The following SLCO1B1 variants were observed in gnomAD, a reference collection of about 807,000 sequenced individuals.
SLCO1B1 encodes solute carrier organic anion transporter family member 1B1.
Under a neutral mutation model 70.1 loss-of-function variants are expected in SLCO1B1, and 81 were observed. The observed-to-expected ratio is 1.16, with a 90% CI of 0.97 to 1.39. The LOEUF is 1.39. Among genes scored for constraint, SLCO1B1 ranks in the 40% most tolerant of loss-of-function variants. The pLI is 0.00. For synonymous variants in SLCO1B1, 283 were observed against 271.5 expected (o/e 1.04, Z -0.42); for missense variants, 895 against 799.6 (o/e 1.12, Z -1.44).
chr12:21,195,289 A>T (rs951523122), intron 7 of SLCO1B1, among the ~76,000 whole-genome samples: 1 of 152,172 alleles, frequency 6.6e-6, no homozygotes. Flanking sequence ...GTAGGGTCTC[A>T]TGAGCACTTT....
At chr12:21,134,875 G>A (rs927428340) in intron 1 of SLCO1B1, among the ~76,000 whole-genome samples, 2 of 152,092 alleles carry the variant, frequency 1.3e-5, no homozygotes, top group Admixed American at 6.6e-5. Context: ...CCTTCTGCTA[G>A]CTTTTGAATG....
At chr12:21,197,309 A>G in intron 8 of SLCO1B1, 121 bp downstream of exon 8, 3 of 974,692 alleles carry the variant, frequency 3.1e-6, no homozygotes, top group Non-Finnish European at 4.5e-6. Flanking sequence ...TTTGCACTAA[A>G]TTTAGATAAA....
chr12:21,182,682 T>C (rs181065793), intron 7 of SLCO1B1, among the ~76,000 whole-genome samples: 3 of 152,242 alleles, frequency 2.0e-5, no homozygotes, highest in African/African-American at 7.2e-5. Flanking sequence ...GATCCCCCAG[T>C]GTAGCTACTG....
chr12:21,200,700 T>C (rs376154971), intron 9 of SLCO1B1, 28 bp downstream of exon 9: 49 of 1,590,872 alleles, frequency 3.1e-5, no homozygotes, highest in Non-Finnish European at 4.0e-5. Context: ...CTTGTGTGCT[T>C]AATAAGTGAA....
intron 7 of SLCO1B1, among the ~76,000 whole-genome samples, chr12:21,195,656 C>G (rs1211444882): frequency 6.6e-6 from 1 of 152,122 alleles, no homozygotes. Flanking sequence ...AAATATTTCC[C>G]TCCCCATAGA....
chr12:21,238,450 T>G (rs977437418), intron 14 of SLCO1B1, among the ~76,000 whole-genome samples: 3 of 152,168 alleles, frequency 2.0e-5, no homozygotes, highest in African/African-American at 7.2e-5. Flanking sequence ...GTTTAAAGCT[T>G]ACTTATTCCT....
intron 14 of SLCO1B1, among the ~76,000 whole-genome samples, chr12:21,232,627 G>C (rs976904526): frequency 1.3e-5 from 2 of 152,054 alleles, no homozygotes; most frequent in African/African-American, 4.8e-5. Context: ...AAGTACACCA[G>C]ATTTGCTAAA....
chr12:21,175,655 C>A (rs1262265586), intron 4 of SLCO1B1, among the ~76,000 whole-genome samples: 2 of 152,062 alleles, frequency 1.3e-5, no homozygotes, highest in Non-Finnish European at 2.9e-5. Context: ...GAAGTTTCTT[C>A]TTAGTGGTAC....
Position 21,174,596 on chromosome 12 carries a change from A to G in SLCO1B1, c.246A>G (p.Val82=). ...SFEIGNLLVI[V]FVSYFGSKLH... is the part of the protein sequence containing the mutation. Reference sequence around the variant, plus strand: ...TTCTAGGAAATTTGCTTGTGATTGTATTTGTGAGTTACTTTGGATCCAAAC... The same window carrying G: ...TTCTAGGAAATTTGCTTGTGATTGTGTTTGTGAGTTACTTTGGATCCAAAC... The change falls in exon 4 of 15, where the codon GTA becomes GTG. Residue 82 remains valine, a synonymous_variant. Transcript: ENST00000256958. 1.9e-6 allele frequency: 3 copies of G among 1,613,252 alleles called. No individual in the cohort carries two copies. Among genetic ancestry groups the G allele is most frequent in the Non-Finnish European group, 2.5e-6 (3 of 1,179,588 alleles).
chr12:21,212,072 G>T (rs1941294292), intron 11 of SLCO1B1, among the ~76,000 whole-genome samples: 1 of 146,074 alleles, frequency 6.8e-6, no homozygotes. Flanking sequence ...CTTCAGTTCT[G>T]CTCTGATTTT....
chr12:21,237,692 A>C (rs552236559), intron 14 of SLCO1B1, among the ~76,000 whole-genome samples: 1 of 151,532 alleles, frequency 6.6e-6, no homozygotes, highest in African/African-American at 2.4e-5. Context: ...ATAGTGTCTG[A>C]CATTAATTTA....
intron 4 of SLCO1B1, among the ~76,000 whole-genome samples, chr12:21,174,947 G>A (rs890113526): frequency 6.6e-6 from 1 of 152,008 alleles, no homozygotes; most frequent in African/African-American, 2.4e-5. Flanking sequence ...AAATAAATAG[G>A]CTTTTTATGA....
intron 7 of SLCO1B1, among the ~76,000 whole-genome samples, chr12:21,181,489 T>C (rs1351013355): frequency 6.6e-6 from 1 of 152,216 alleles, no homozygotes; most frequent in East Asian, 1.9e-4. Context: ...AACCCAGATC[T>C]GTGCATACTT....
intron 10 of SLCO1B1, among the ~76,000 whole-genome samples, chr12:21,203,748 A>C (rs1941183206): frequency 6.6e-6 from 1 of 152,072 alleles, no homozygotes; most frequent in Non-Finnish European, 1.5e-5. Flanking sequence ...TTTAGAGGTA[A>C]AAGAACCTTA....
chr12:21,198,627 G>T lies in SLCO1B1; in HGVS notation c.970+1439G>T, dbSNP rs1262890799. 3.3e-5 allele frequency among the ~76,000 whole-genome samples: 5 copies of T among 151,800 alleles called. No individual in the cohort carries two copies. In the East Asian group the frequency reaches 9.6e-4, roughly 29 times the overall value. The stretch of plus-strand genomic sequence containing the variant: ...CTTAAGTATGTATCTATTAGGAATG[G>T]ATAAAATAAGAATATATAGTCAGAA... On this transcript the variant is annotated intron_variant, in intron 8 of 14. Coordinates refer to ENST00000256958, the MANE Select transcript of SLCO1B1 (RefSeq NM_006446.5).
At chr12:21,144,128 AC>A (rs1316004767) in intron 2 of SLCO1B1, among the ~76,000 whole-genome samples, 1 of 152,124 alleles carries the variant, frequency 6.6e-6, no homozygotes, top group Non-Finnish European at 1.5e-5. Flanking sequence ...TCAAATTTAA[AC>A]CCAACAAGAT....
At chr12:21,190,536 A>G (rs1941017950) in intron 7 of SLCO1B1, among the ~76,000 whole-genome samples, 1 of 152,126 alleles carries the variant, frequency 6.6e-6, no homozygotes, top group South Asian at 2.1e-4. Flanking sequence ...ATTAATTTTT[A>G]TTTCAATAGC....
chr12:21,158,366 A>G (rs768709961), intron 2 of SLCO1B1, among the ~76,000 whole-genome samples: 16 of 152,328 alleles, frequency 1.1e-4, no homozygotes, highest in Middle Eastern at 6.8e-3. Context: ...TAGAATAAAA[A>G]CATAGTTTTT....
chr12:21,223,972 T>C (rs1591827409), intron 13 of SLCO1B1, among the ~76,000 whole-genome samples: 1 of 152,162 alleles, frequency 6.6e-6, no homozygotes, highest in Non-Finnish European at 1.5e-5. Flanking sequence ...CAAATAAAAA[T>C]TAACTAAGAA....
Sources: allele counts gnomAD v4.1 joint callset (sites outside exome capture counted in the v4.1 genomes callset), GRCh38; gene constraint gnomAD v4.1.1; transcripts MANE v1.5; gene names NCBI Gene and HGNC (gene_info 2026-07-23, HGNC 2026-07-21).